SLC44A5: variants seen among roughly 807,000 people sequenced by gnomAD.
SLC44A5 encodes choline transporter-like protein 5.
SLC44A5 carries 57 observed loss-of-function variants against 101.8 expected under a neutral mutation model. That is an observed-to-expected ratio of 0.56 (90% CI 0.45 to 0.70). The LOEUF (loss-of-function observed/expected upper bound fraction) is 0.70, where lower values mean the gene tolerates loss of function less well. Among genes scored for constraint, SLC44A5 ranks in the 30% least tolerant of loss-of-function variants. The pLI, the probability that SLC44A5 is intolerant of heterozygous loss-of-function variation, is 0.00. For synonymous variants in SLC44A5, 281 were observed against 290.9 expected, an observed-to-expected ratio of 0.97 and a Z score of 0.35; for missense variants, 737 against 853.1, an observed-to-expected ratio of 0.86 and a Z score of 1.70.
chr1:75,709,255 C>T, the SLC44A5 span, among the ~76,000 whole-genome samples: 1 of 152,182 alleles, frequency 6.6e-6, no homozygotes. Flanking sequence ...TCCAGTTCAA[C>T]ATCAGATTAA....
intron 2 of SLC44A5, among the ~76,000 whole-genome samples, chr1:75,403,217 G>T (rs924729845): frequency 6.6e-6 from 1 of 152,160 alleles, no homozygotes; most frequent in Non-Finnish European, 1.5e-5. Flanking sequence ...TAGATAAAAT[G>T]CCCATCTCCC....
the SLC44A5 span, chr1:75,677,605 AC>A: frequency 3.3e-6 from 1 of 300,158 alleles, no homozygotes; most frequent in South Asian, 2.5e-5. Flanking sequence ...AAAACTAATA[AC>A]AAAATGGTAG....
chr1:75,532,852 C>A (rs913407030), intron 2 of SLC44A5, among the ~76,000 whole-genome samples: 1 of 151,902 alleles, frequency 6.6e-6, no homozygotes, highest in Non-Finnish European at 1.5e-5. Flanking sequence ...CAAGCCTGGG[C>A]AACATAGCAA....
intron 3 of SLC44A5, among the ~76,000 whole-genome samples, chr1:75,383,213 T>C (rs1345366149): frequency 2.6e-5 from 3 of 113,552 alleles, no homozygotes; most frequent in Non-Finnish European, 5.4e-5. Context: ...GTTTGTCTGC[T>C]GACCCTCTCC....
intron 6 of SLC44A5, among the ~76,000 whole-genome samples, chr1:75,259,724 A>G (rs796910990): frequency 5.9e-5 from 9 of 152,278 alleles, no homozygotes; most frequent in African/African-American, 2.2e-4. Flanking sequence ...AAGACACACA[A>G]TCATCAGATT....
chr1:75,436,860 T>C (rs555956762), intron 2 of SLC44A5, among the ~76,000 whole-genome samples: 16 of 152,154 alleles, frequency 1.1e-4, no homozygotes, highest in Non-Finnish European at 2.1e-4. Context: ...TTTTTATTGC[T>C]TTTTTAAAAC....
At chr1:75,554,705 T>C (rs1384120348) in intron 1 of SLC44A5, among the ~76,000 whole-genome samples, 1 of 152,174 alleles carries the variant, frequency 6.6e-6, no homozygotes, top group East Asian at 1.9e-4. Flanking sequence ...AGTTTAAATT[T>C]AGTACCAGAA....
the SLC44A5 span, among the ~76,000 whole-genome samples, chr1:75,710,950 T>C: frequency 6.6e-6 from 1 of 152,214 alleles, no homozygotes; most frequent in East Asian, 1.9e-4. Context: ...TTTTCTTTAC[T>C]CATTTTCTCT....
At chr1:75,392,568 T>C (rs1570118700) in intron 3 of SLC44A5, among the ~76,000 whole-genome samples, 1 of 152,226 alleles carries the variant, frequency 6.6e-6, no homozygotes, top group Non-Finnish European at 1.5e-5. Flanking sequence ...TGTAAATGAG[T>C]TCAGTCACTG....
chr1:75,391,585 G>A (rs970271536), intron 3 of SLC44A5, among the ~76,000 whole-genome samples: 27 of 152,120 alleles, frequency 1.8e-4, no homozygotes, highest in Non-Finnish European at 3.4e-4. Context: ...ACAACCAACT[G>A]ACTTTCAACA....
chr1:75,650,865 A>G, the SLC44A5 span, among the ~76,000 whole-genome samples: 1 of 152,208 alleles, frequency 6.6e-6, no homozygotes, highest in South Asian at 2.1e-4. Flanking sequence ...AAGTGTTGAG[A>G]TTATGGGTGT....
intron 2 of SLC44A5, among the ~76,000 whole-genome samples, chr1:75,429,912 T>A (rs1664516329): frequency 6.6e-6 from 1 of 152,122 alleles, no homozygotes; most frequent in African/African-American, 2.4e-5. Context: ...CCAAACCATA[T>A]CAACATCTAT....
the SLC44A5 span, among the ~76,000 whole-genome samples, chr1:75,697,104 A>T: frequency 6.6e-6 from 1 of 152,142 alleles, no homozygotes; most frequent in South Asian, 2.1e-4. Context: ...AATAAAGTTG[A>T]TTATTTAAAA....
intron 4 of SLC44A5, among the ~76,000 whole-genome samples, chr1:75,329,580 A>G (rs1479739562): frequency 6.6e-6 from 1 of 152,116 alleles, no homozygotes; most frequent in Non-Finnish European, 1.5e-5. Flanking sequence ...TATTGGGAGC[A>G]TAGTCTGTGT....
chr1:75,219,120 C>T, intron 16 of SLC44A5, 137 bp downstream of exon 16: 1 of 667,794 alleles, frequency 1.5e-6, no homozygotes, highest in South Asian at 1.8e-5. Context: ...CTGATGCACA[C>T]TCCCCACTTC....
the SLC44A5 span, among the ~76,000 whole-genome samples, chr1:75,678,062 G>C: frequency 6.6e-6 from 1 of 152,224 alleles, no homozygotes; most frequent in African/African-American, 2.4e-5. Flanking sequence ...AAAGGGCTTA[G>C]AAAACGGCGC....
chr1:75,662,292 T>C, the SLC44A5 span, among the ~76,000 whole-genome samples: 1 of 152,046 alleles, frequency 6.6e-6, no homozygotes, highest in South Asian at 2.1e-4. Flanking sequence ...ATTTGGGAAC[T>C]AAAAATATTG....
At chr1:75,630,426 C>A in the SLC44A5 span, among the ~76,000 whole-genome samples, 1 of 152,124 alleles carries the variant, frequency 6.6e-6, no homozygotes, top group African/African-American at 2.4e-5. Context: ...CGTGTTCAGC[C>A]GCCAGACTGG....
chr1:75,420,287 C>A (rs1306442104), intron 2 of SLC44A5, among the ~76,000 whole-genome samples: 2 of 151,770 alleles, frequency 1.3e-5, no homozygotes, highest in African/African-American at 2.4e-5. Context: ...CCCAAGTGGA[C>A]TAAGACAATT....
Sources: allele counts gnomAD v4.1 joint callset (sites outside exome capture counted in the v4.1 genomes callset), GRCh38; gene constraint gnomAD v4.1.1; transcripts MANE v1.5; gene names NCBI Gene and HGNC (gene_info 2026-07-23, HGNC 2026-07-21).